Variants in ETNPPL observed in about 807,000 individuals in gnomAD.
The protein encoded by ETNPPL is ethanolamine-phosphate phospho-lyase, also known as alanine--glyoxylate aminotransferase 2-like 1.
ETNPPL carries 30 observed loss-of-function variants against 55.5 expected under a neutral mutation model. The observed-to-expected ratio is 0.54, with a 90% CI of 0.40 to 0.73. ETNPPL has a LOEUF of 0.73. Ranked by LOEUF, ETNPPL falls within the 30% of genes least tolerant of loss-of-function variation. ETNPPL has a pLI of 0.00. For missense variants in ETNPPL, 528 were observed against 607.9 expected (o/e 0.87, Z 1.38); for synonymous variants, 202 against 207.2 (o/e 0.98, Z 0.21).
At chr4:108,759,344 T>C (rs1338970504) in intron 3 of ETNPPL, among the ~76,000 whole-genome samples, 1 of 130,074 alleles carries the variant, frequency 7.7e-6, no homozygotes, top group Non-Finnish European at 1.5e-5. Flanking sequence ...GAGCTTGCAG[T>C]GACCTGAGAT....
chr4:108,754,543 G>T (rs754951884), intron 5 of ETNPPL, 77 bp downstream of exon 5: 1 of 830,554 alleles, frequency 1.2e-6, no homozygotes, highest in Non-Finnish European at 2.0e-6. Flanking sequence ...GGTTCATCTA[G>T]ATGAAAGCAT....
Position 108,751,028 on chromosome 4 carries a change from A to G in ETNPPL, c.619-10T>C. ...CAATAAAGGCAGCAATCTATACAAGAGAAGATGGTGTCAAAGTCCATTAGG... is the reference window on the plus strand; with the variant it reads ...CAATAAAGGCAGCAATCTATACAAGGGAAGATGGTGTCAAAGTCCATTAGG... On this transcript the variant is annotated splice_polypyrimidine_tract_variant and intron_variant, in intron 6 of 12. Transcript: ENST00000296486. 1 of 1,605,802 alleles carries G rather than the reference A, an allele frequency of 6.2e-7. No individual in the cohort carries two copies. Among genetic ancestry groups the G allele is most frequent in the Non-Finnish European group, 8.5e-7 (1 of 1,172,880 alleles).
chr4:108,752,474 C>T (rs1272096678), intron 6 of ETNPPL, among the ~76,000 whole-genome samples: 2 of 152,146 alleles, frequency 1.3e-5, no homozygotes, highest in African/African-American at 4.8e-5. Context: ...GCAAACCAGC[C>T]CCAGGCTCCA....
chr4:108,742,685 GT>G, intron 12 of ETNPPL, 73 bp from the exon 13 acceptor site: 1 of 1,559,732 alleles, frequency 6.4e-7, no homozygotes, highest in Non-Finnish European at 8.8e-7. Context: ...GACTTAACAA[GT>G]CCACACACAA....
chr4:108,748,479 T>C (rs919068893), intron 8 of ETNPPL, among the ~76,000 whole-genome samples: 2 of 152,152 alleles, frequency 1.3e-5, no homozygotes, highest in Admixed American at 6.6e-5. Flanking sequence ...GTGAGGGAAA[T>C]AGGGGTTTCT....
In ETNPPL at chr4:108,753,578, C is replaced by CA. The variant is rs951783681; in HGVS notation, c.502-568dup. ...CCTACATGATGAAACCCTGTCTCTACAAAAAATACAAAAATTAGCAGGGCT... is the reference window on the plus strand; with the variant it reads ...CCTACATGATGAAACCCTGTCTCTACAAAAAAATACAAAAATTAGCAGGGCT... On this transcript the variant is annotated intron_variant, in intron 5 of 12. Transcript: ENST00000296486. Among the ~76,000 whole-genome samples the CA allele has an allele frequency of 2.0e-5, 3 of 151,924 alleles. No homozygotes were observed. The South Asian group carries it at 6.2e-4, about 32-fold the overall frequency.
intron 10 of ETNPPL, 39 bp from the exon 11 acceptor site, chr4:108,746,568 G>A: frequency 6.3e-7 from 1 of 1,599,474 alleles, no homozygotes; most frequent in Non-Finnish European, 8.5e-7. Context: ...GTATGCAAAG[G>A]ATAACTACGA....
intron 12 of ETNPPL, among the ~76,000 whole-genome samples, chr4:108,743,125 G>T (rs1019782443): frequency 1.3e-5 from 2 of 152,144 alleles, no homozygotes; most frequent in African/African-American, 4.8e-5. Flanking sequence ...TGCGCAGGCG[G>T]GCTCGAGGCA....
Position 108,749,231 on chromosome 4 carries a change from A to G in ETNPPL, c.927+7T>C. 2 of 1,603,354 alleles carry G rather than the reference A, an allele frequency of 1.2e-6. No individual in the cohort carries two copies. Among genetic ancestry groups the G allele is most frequent in the South Asian group, 2.2e-5 (2 of 90,834 alleles). ...TCTTAGCATTAAAGTTGGAGACCAAAATGTACCGTATTAAAATATTCCATC... is the reference window on the plus strand; with the variant it reads ...TCTTAGCATTAAAGTTGGAGACCAAGATGTACCGTATTAAAATATTCCATC... On this transcript the variant is annotated splice_region_variant and intron_variant, in intron 8 of 12. Coordinates refer to ENST00000296486, the MANE Select transcript of ETNPPL (RefSeq NM_031279.4).
intron 6 of ETNPPL, 30 bp from the exon 7 acceptor site, chr4:108,751,048 A>G: frequency 6.6e-7 from 1 of 1,525,348 alleles, no homozygotes; most frequent in Non-Finnish European, 9.1e-7. Flanking sequence ...GTCAAAGTCC[A>G]TTAGGTCCCC....
At position 108,743,442 on chromosome 4, in the gene ETNPPL, G is replaced by A. The variant is rs557730704; in HGVS notation, c.1371+347C>T. 4.6e-5 allele frequency among the ~76,000 whole-genome samples: 7 copies of A among 152,346 alleles called. No homozygotes were observed. The East Asian group carries it at 1.4e-3, about 29-fold the overall frequency. ...TGCTGATTGTAAAGTCAGTGTGTGAGAATCGGAGGCAGTGTCAGGCAGCCC... is the reference window on the plus strand; with the variant it reads ...TGCTGATTGTAAAGTCAGTGTGTGAAAATCGGAGGCAGTGTCAGGCAGCCC... On this transcript the variant is annotated intron_variant, in intron 12 of 12. Coordinates refer to ENST00000296486, the MANE Select transcript of ETNPPL (RefSeq NM_031279.4).
chr4:108,751,691 T>C (rs2125676492), intron 6 of ETNPPL, among the ~76,000 whole-genome samples: 1 of 152,334 alleles, frequency 6.6e-6, no homozygotes, highest in East Asian at 1.9e-4. Context: ...TTAGTAATTG[T>C]ATGACCTTGG....
intron 5 of ETNPPL, 70 bp from the exon 6 acceptor site, chr4:108,753,081 C>A: frequency 1.3e-6 from 1 of 794,534 alleles, no homozygotes; most frequent in South Asian, 1.6e-5. Context: ...AAGGCATTTC[C>A]CCACAAGAAC....
In ETNPPL at chr4:108,754,670, G is replaced by C; in HGVS notation, c.451C>G (p.Pro151Ala). 2 of 1,600,354 alleles carry C rather than the reference G, an allele frequency of 1.2e-6. No individual in the cohort carries two copies. Among genetic ancestry groups the C allele is most frequent in the Non-Finnish European group, 1.7e-6 (2 of 1,169,156 alleles). The change falls in exon 5 of 13, where the codon CCA becomes GCA. Residue 151 changes from proline to alanine, a missense_variant. Pro to Ala is a conservative substitution (Grantham distance 27). Transcript: ENST00000296486. ...GHLSSLIEIS[P>A]YKFQKGKDVK... ...TCTTTTCCTTTCTGAAACTTATATG[G>C]GCTAATCTCAATTAAGGATGATAGG...
chr4:108,753,064 T>A, intron 5 of ETNPPL, 53 bp from the exon 6 acceptor site: 1 of 933,028 alleles, frequency 1.1e-6, no homozygotes, highest in Non-Finnish European at 1.7e-6. Context: ...CGACAAACCT[T>A]AAAAAAAAGG....
intron 11 of ETNPPL, among the ~76,000 whole-genome samples, chr4:108,745,319 G>T (rs943590960): frequency 6.6e-6 from 1 of 151,992 alleles, no homozygotes; most frequent in Admixed American, 6.6e-5. Context: ...AATTAAGGCC[G>T]GGTGCAGTGG....
At chr4:108,753,635 G>T (rs760186633) in intron 5 of ETNPPL, among the ~76,000 whole-genome samples, 5 of 151,958 alleles carry the variant, frequency 3.3e-5, no homozygotes, top group Non-Finnish European at 5.9e-5. Context: ...CCAGCTGCTC[G>T]GGAGGCTGAG....
intron 7 of ETNPPL, among the ~76,000 whole-genome samples, chr4:108,750,662 A>G (rs1728866394): frequency 6.8e-6 from 1 of 147,814 alleles, no homozygotes; most frequent in African/African-American, 2.5e-5. Context: ...ACCCTGACCA[A>G]TACAGATTTG....
intron 3 of ETNPPL, 52 bp from the exon 4 acceptor site, chr4:108,756,544 C>A: frequency 7.1e-7 from 1 of 1,408,026 alleles, no homozygotes; most frequent in Non-Finnish European, 1.0e-6. Flanking sequence ...CTTTTTAAAA[C>A]ATTTAGGATG....
Sources: gnomAD v4.1 joint callset for allele counts (sites outside exome capture counted in the v4.1 genomes callset) on GRCh38, gnomAD v4.1.1 for gene constraint, MANE v1.5 for transcripts, NCBI Gene and HGNC (gene_info 2026-07-23, HGNC 2026-07-21) for gene names.